TRPM8: variants seen among roughly 807,000 people sequenced by gnomAD.
TRPM8 encodes the protein TRPM8 cationic channel.
In TRPM8, 110 loss-of-function variants were observed where a neutral mutation model predicts 133.7. The observed-to-expected ratio is 0.82, with a 90% CI of 0.70 to 0.96. The LOEUF (loss-of-function observed/expected upper bound fraction) is 0.96. TRPM8 is among the 40% of genes least tolerant of loss of function. TRPM8 has a pLI of 0.00. For missense variants in TRPM8, 1,291 were observed against 1,379.5 expected (o/e 0.94, Z 1.02); for synonymous variants, 535 against 532.3 (o/e 1.01, Z -0.07).
chr2:233,931,115 C>A (rs1691671641), intron 3 of TRPM8, among the ~76,000 whole-genome samples: 1 of 152,140 alleles, frequency 6.6e-6, no homozygotes, highest in Non-Finnish European at 1.5e-5. Flanking sequence ...CTCCGTCAGG[C>A]TTTTCTTCCC....
At chr2:233,935,308 T>G (rs1192498106) in intron 3 of TRPM8, among the ~76,000 whole-genome samples, 1 of 152,182 alleles carries the variant, frequency 6.6e-6, no homozygotes, top group Non-Finnish European at 1.5e-5. Flanking sequence ...AGAGTCACCA[T>G]GTATGGTTGC....
intron 24 of TRPM8, among the ~76,000 whole-genome samples, chr2:234,012,717 C>T (rs991575697): frequency 5.3e-5 from 8 of 152,070 alleles, no homozygotes; most frequent in African/African-American, 1.7e-4. Flanking sequence ...AATTTTACCC[C>T]ATTAAATATG....
At chr2:233,920,056 A>G (rs1691377100) in intron 1 of TRPM8, among the ~76,000 whole-genome samples, 1 of 152,194 alleles carries the variant, frequency 6.6e-6, no homozygotes, top group African/African-American at 2.4e-5. Flanking sequence ...CTAGAGATGC[A>G]GAATCTGGGG....
At chr2:234,008,881 C>T (rs1329944548) in intron 24 of TRPM8, among the ~76,000 whole-genome samples, 1 of 152,162 alleles carries the variant, frequency 6.6e-6, no homozygotes, top group East Asian at 1.9e-4. Flanking sequence ...TATCTGTTTA[C>T]AGTTTCTTGT....
At chr2:233,953,885 T>C (rs1392652947) in intron 9 of TRPM8, 32 bp from the exon 10 acceptor site, 2 of 1,568,728 alleles carry the variant, frequency 1.3e-6, no homozygotes, top group Non-Finnish European at 1.7e-6. Context: ...CTAAAATCTG[T>C]TGGCTGACAC....
Position 233,970,843 on chromosome 2 carries a change from T to A in TRPM8, c.2355+417T>A, listed in dbSNP as rs542551889. Among the ~76,000 whole-genome samples the A allele has an allele frequency of 7.9e-5, 12 of 152,282 alleles. No homozygotes were observed. The East Asian group carries it at 2.3e-3, about 29-fold the overall frequency. ...AATGCCCAGCATGTCAGATTGACAA[T>A]GTTTTAAAGTTGTGTAAGTCCCTGT... On this transcript the variant is annotated intron_variant, in intron 17 of 25. Coordinates refer to ENST00000324695, the MANE Select transcript of TRPM8 (RefSeq NM_024080.5).
At chr2:233,950,540 A>G (rs979108501) in intron 9 of TRPM8, among the ~76,000 whole-genome samples, 5 of 152,246 alleles carry the variant, frequency 3.3e-5, no homozygotes, top group Non-Finnish European at 5.9e-5. Flanking sequence ...GGTGCAGAAC[A>G]TTGCGACTGC....
chr2:234,014,456 ATTT>A, intron 24 of TRPM8, 103 bp from the exon 25 acceptor site: 1 of 589,504 alleles, frequency 1.7e-6, no homozygotes, highest in African/African-American at 2.0e-5. Flanking sequence ...CATGCTTGCT[ATTT>A]AGTAGACATG....
chr2:233,958,310 G>C (rs1160913992), intron 11 of TRPM8, among the ~76,000 whole-genome samples: 1 of 152,156 alleles, frequency 6.6e-6, no homozygotes, highest in Non-Finnish European at 1.5e-5. Context: ...CAATAATCCA[G>C]GTCACATGGC....
Position 233,940,706 on chromosome 2 carries a change from C to T in TRPM8, c.526+1531C>T, listed in dbSNP as rs13020968. Among the ~76,000 whole-genome samples the T allele has an allele frequency of 3.3e-5, 5 of 152,116 alleles. 1 individual carries two copies. The highest frequency in any genetic ancestry group is 4.1e-4 in the South Asian group (2 of 4,828). On this transcript the variant is annotated intron_variant, in intron 5 of 25. Transcript: ENST00000324695. ...GCTGAAGTAGATATGAAGCCATACC[C>T]GCTGTACGTGCATGCAGTAAGTCAA...
At chr2:233,954,303 T>G (rs930020776) in intron 10 of TRPM8, among the ~76,000 whole-genome samples, 1 of 152,174 alleles carries the variant, frequency 6.6e-6, no homozygotes, top group African/African-American at 2.4e-5. Flanking sequence ...TGAAAATAAT[T>G]TTTTTATTGG....
At chr2:233,918,790 T>C (rs1691352280) in intron 1 of TRPM8, among the ~76,000 whole-genome samples, 4 of 152,226 alleles carry the variant, frequency 2.6e-5, no homozygotes, top group Admixed American at 2.6e-4. Flanking sequence ...TCAGGTATTG[T>C]AACCCTTGTA....
intron 21 of TRPM8, among the ~76,000 whole-genome samples, chr2:233,991,181 T>C (rs1692267297): frequency 6.6e-6 from 1 of 152,042 alleles, no homozygotes; most frequent in African/African-American, 2.4e-5. Flanking sequence ...TGGAGAGTCT[T>C]TTATAGTATA....
At chr2:233,942,447 A>G (rs1174006081) in intron 5 of TRPM8, 129 bp from the exon 6 acceptor site, 3 of 868,294 alleles carry the variant, frequency 3.5e-6, no homozygotes, top group Non-Finnish European at 5.7e-6. Context: ...TCCTTGCCAT[A>G]CGACATAGCT....
chr2:233,931,898 G>T (rs942528175), intron 3 of TRPM8, among the ~76,000 whole-genome samples: 2 of 152,314 alleles, frequency 1.3e-5, no homozygotes, highest in South Asian at 4.1e-4. Context: ...CAAGGAAGCT[G>T]TTGCTACCTT....
chr2:233,952,982 A>T (rs1691204587), intron 9 of TRPM8, among the ~76,000 whole-genome samples: 1 of 152,164 alleles, frequency 6.6e-6, no homozygotes, highest in African/African-American at 2.4e-5. Context: ...GGCTGCAGAC[A>T]GATGAAGAGA....
At chr2:234,006,745 A>G (rs559170078) in intron 22 of TRPM8, 108 bp from the exon 23 acceptor site, 1 of 763,414 alleles carries the variant, frequency 1.3e-6, no homozygotes, top group Non-Finnish European at 2.2e-6. Flanking sequence ...TGCAGGACGA[A>G]TCTCATTCTT....
intron 2 of TRPM8, among the ~76,000 whole-genome samples, chr2:233,926,999 G>A (rs562813190): frequency 1.1e-3 from 172 of 152,260 alleles, no homozygotes; most frequent in Non-Finnish European, 1.8e-3. Flanking sequence ...AGCTGGAGTC[G>A]GGGTTGGGTG....
chr2:233,978,688 T>C (rs1284801543), intron 17 of TRPM8, among the ~76,000 whole-genome samples: 2 of 152,214 alleles, frequency 1.3e-5, no homozygotes, highest in Non-Finnish European at 2.9e-5. Context: ...TCCTAGATTA[T>C]GCTTTTCCCT....
Sources: allele counts gnomAD v4.1 joint callset (sites outside exome capture counted in the v4.1 genomes callset), GRCh38; gene constraint gnomAD v4.1.1; transcripts MANE v1.5; gene names NCBI Gene and HGNC (gene_info 2026-07-23, HGNC 2026-07-21).